GCNT4: variants seen among roughly 807,000 people sequenced by gnomAD.
GCNT4 encodes the protein beta-1,3-galactosyl-O-glycosyl-glycoprotein beta-1,6-N-acetylglucosaminyltransferase 4.
GCNT4 carries 17 observed loss-of-function variants against 31.3 expected under a neutral mutation model. The observed-to-expected ratio is 0.54, with a 90% CI of 0.37 to 0.81. The LOEUF is 0.81. Ranked by LOEUF, GCNT4 falls within the 40% of genes least tolerant of loss-of-function variation. The probability of loss-of-function intolerance (pLI) is 0.00; values close to 1 mark genes in which losing one functional copy is unlikely to be tolerated. For missense variants in GCNT4, 503 were observed against 525.5 expected (o/e 0.96, Z 0.42); for synonymous variants, 158 against 190.6 (o/e 0.83, Z 1.41).
Position 75,029,714 on chromosome 5 carries a change from A to G in GCNT4, c.324T>C (p.Ser108=). ...LEDDDVVAMT[S]DCDIYQTLRG... ...TTAGAGTCTGATAAATGTCACAATC[A>G]CTGGTCATTGCCACAACATCATCAT... Residue 108 remains serine (S), a synonymous_variant, in exon 4 of 4, where the codon AGT becomes AGC. Transcript: ENST00000652361. The G allele has an allele frequency of 1.2e-6, 2 of 1,614,146 alleles. No individual in the cohort carries two copies. Among genetic ancestry groups the G allele is most frequent in the East Asian group, 4.5e-5 (2 of 44,878 alleles).
In GCNT4 at chr5:75,028,484, T is replaced by C. The variant is rs1742993761; in HGVS notation, c.*192A>G. On this transcript the variant is annotated 3_prime_UTR_variant, in exon 4 of 4. Transcript: ENST00000652361. ...CAGTGAGATTACAAGCAAAAACAAA[T>C]ATTAAAAAAACCTAGCCAACTGCAG... is the stretch of plus-strand genomic sequence containing the variant. 1 of 560,184 alleles carries C rather than the reference T, an allele frequency of 1.8e-6. No homozygotes were observed. Among genetic ancestry groups the C allele is most frequent in the Non-Finnish European group, 3.1e-6 (1 of 327,722 alleles). The allele number at this position is 560,184 out of a possible 1,614,324, so 34.7% of individuals were successfully genotyped here.
At chr5:75,030,711 T>C (rs1743042499) in intron 3 of GCNT4, 1 of 167,092 alleles carries the variant, frequency 6.0e-6, no homozygotes, top group South Asian at 2.1e-4. Flanking sequence ...GGCCTGATTT[T>C]TCACTGAGAG....
intron 3 of GCNT4, among the ~76,000 whole-genome samples, chr5:75,040,825 G>A (rs1743300143): frequency 6.6e-6 from 1 of 152,122 alleles, no homozygotes; most frequent in Non-Finnish European, 1.5e-5. Context: ...TTCACTACTT[G>A]ACAGCATTCT....
At chr5:75,053,756 GC>G, upstream of GCNT4, among the ~76,000 whole-genome samples, 1 of 152,254 alleles carries the variant, frequency 6.6e-6, no homozygotes, top group South Asian at 2.1e-4. Context: ...GGAGCTCCCT[GC>G]CCTGCGCTCC....
In GCNT4 at chr5:75,046,893, G is replaced by A. The variant is rs762962070; in HGVS notation, c.-2+1004C>T. Among the ~76,000 whole-genome samples the A allele has an allele frequency of 2.0e-5, 3 of 152,322 alleles. No homozygotes were observed. The South Asian group carries it at 6.2e-4, about 32-fold the overall frequency. On this transcript the variant is annotated intron_variant, in intron 3 of 3. Transcript: ENST00000652361. ...CCTTCGTGCCGTTTCTTAGATGCAG[G>A]AGATGAAATCCTTAAGTGAAATGAG...
At chr5:75,021,479 C>A (rs1742880030), downstream of GCNT4, among the ~76,000 whole-genome samples, 1 of 152,132 alleles carries the variant, frequency 6.6e-6, no homozygotes, top group Non-Finnish European at 1.5e-5. Context: ...GCCAGGAGGG[C>A]TCTTTGTGCT....
At chr5:75,017,746 C>T in the GCNT4 span, among the ~76,000 whole-genome samples, 388 of 152,232 alleles carry the variant, frequency 2.5e-3, 2 homozygotes, top group South Asian at 7.9e-3. Flanking sequence ...ACCTTCCGCC[C>T]GCCAGGAATC....
In GCNT4 at chr5:75,028,947, C is replaced by T. The variant is rs1341870046; in HGVS notation, c.1091G>A (p.Ser364Asn). The stretch of plus-strand genomic sequence containing the variant: ...ATTCCACTTGACAAGGCGAGTCTTA[C>T]TCTGCAGATCAGACACATCCTGGGC... Reference protein sequence around the residue: ...RSAQDVSDLQSKTRLVKWNYY... With the variant: ...RSAQDVSDLQNKTRLVKWNYY... Residue 364 changes from serine (S) to asparagine (N), a missense_variant, in exon 4 of 4, where the codon AGT (serine) becomes AAT (asparagine). Physicochemically the swap from Ser to Asn is conservative, Grantham distance 46. Transcript: ENST00000652361. 1 of 1,613,956 alleles carries T rather than the reference C, an allele frequency of 6.2e-7. No homozygotes were observed. The highest frequency in any genetic ancestry group is 8.5e-7 in the Non-Finnish European group (1 of 1,180,020).
intron 2 of GCNT4, among the ~76,000 whole-genome samples, chr5:75,048,838 G>A (rs953060583): frequency 6.6e-6 from 1 of 152,122 alleles, no homozygotes; most frequent in Non-Finnish European, 1.5e-5. Flanking sequence ...ACCACAAGAC[G>A]GACCTGGAAA....
chr5:75,028,539 C>G lies in GCNT4; in HGVS notation c.*137G>C. 1 of 791,886 alleles carries G rather than the reference C, an allele frequency of 1.3e-6. No homozygotes were observed. Among genetic ancestry groups the G allele is most frequent in the Non-Finnish European group, 1.9e-6 (1 of 513,768 alleles). The allele number at this position is 791,886 out of a possible 1,614,324, so 49.1% of individuals were successfully genotyped here. A position where few individuals can be genotyped will look rare whatever the true frequency, so the allele number is the denominator to read the frequency against. On this transcript the variant is annotated 3_prime_UTR_variant, in exon 4 of 4. Transcript: ENST00000652361. ...ATAACATCAAAGGCTAGATCACTTT[C>G]CCTTGTGTATGGAATTTTGGACACC...
At chr5:75,035,355 TG>T (rs1361837536) in intron 3 of GCNT4, among the ~76,000 whole-genome samples, 1 of 152,200 alleles carries the variant, frequency 6.6e-6, no homozygotes, top group East Asian at 1.9e-4. Context: ...AGAGGAAGAC[TG>T]AGGAAAAAAG....
chr5:75,033,455 G>T (rs1483659537), intron 3 of GCNT4, among the ~76,000 whole-genome samples: 1 of 152,174 alleles, frequency 6.6e-6, no homozygotes, highest in African/African-American at 2.4e-5. Context: ...GAATTTCAAA[G>T]AAAGAAGGGT....
chr5:75,032,874 T>TGGGTGG (rs1554062288), intron 3 of GCNT4, among the ~76,000 whole-genome samples: 63 of 46,682 alleles, frequency 1.3e-3, no homozygotes, highest in East Asian at 3.4e-3. Context: ...CAAATAGGGG[T>TGGGTGG]GTGTGTGTGT....
chr5:75,036,579 G>A (rs58279181), intron 3 of GCNT4, among the ~76,000 whole-genome samples: 7,238 of 152,270 alleles, frequency 0.048, 570 homozygotes, highest in African/African-American at 0.16. Context: ...TTCTCTAAAT[G>A]TCCTAGAACA....
intron 3 of GCNT4, among the ~76,000 whole-genome samples, chr5:75,035,325 G>A (rs1386599451): frequency 6.6e-6 from 1 of 152,224 alleles, no homozygotes; most frequent in Non-Finnish European, 1.5e-5. Context: ...GGAAGAAAGG[G>A]GAATGGTAAG....
chr5:75,030,371 G>T, intron 3 of GCNT4: 1 of 229,630 alleles, frequency 4.4e-6, no homozygotes, highest in Non-Finnish European at 9.3e-6. Flanking sequence ...GGATTGCTCT[G>T]GTTTGGGCAG....
downstream of GCNT4, among the ~76,000 whole-genome samples, chr5:75,021,134 T>C (rs993683043): frequency 1.3e-5 from 2 of 152,166 alleles, no homozygotes; most frequent in African/African-American, 4.8e-5. Flanking sequence ...CAATGATTGA[T>C]TGACTGCCTT....
At chr5:75,052,775 G>C (rs1272805989), upstream of GCNT4, 1 of 152,224 alleles carries the variant, frequency 6.6e-6, no homozygotes, top group African/African-American at 2.4e-5. Flanking sequence ...AGCATCGCTT[G>C]TCCCCTCTGG....
intron 3 of GCNT4, among the ~76,000 whole-genome samples, chr5:75,044,935 T>C (rs1361493731): frequency 1.3e-5 from 2 of 152,226 alleles, no homozygotes; most frequent in Non-Finnish European, 2.9e-5. Context: ...CTCTGCCCCA[T>C]ATTAGGATTC....
Sources: allele counts gnomAD v4.1 joint callset (sites outside exome capture counted in the v4.1 genomes callset), GRCh38; gene constraint gnomAD v4.1.1; transcripts MANE v1.5; gene names NCBI Gene and HGNC (gene_info 2026-07-23, HGNC 2026-07-21).